The following DENR variants were observed in gnomAD, a reference collection of about 807,000 sequenced individuals.
DENR encodes density-regulated protein.
Under a neutral mutation model 30.6 loss-of-function variants are expected in DENR, and 6 were observed. The ratio of observed to expected loss-of-function variants is 0.20; its 90% CI spans 0.11 to 0.39. DENR has a LOEUF of 0.39. Among genes scored for constraint, DENR ranks in the 10% least tolerant of loss-of-function variants. The pLI is 1.00. For synonymous variants in DENR, 78 were observed against 72.1 expected (o/e 1.08, Z -0.41); for missense variants, 141 against 230.9 (o/e 0.61, Z 2.52).
intron 2 of DENR, among the ~76,000 whole-genome samples, chr12:122,757,620 G>C (rs1878584450): frequency 1.3e-5 from 2 of 152,180 alleles, no homozygotes; most frequent in South Asian, 4.1e-4. Flanking sequence ...TATAACATCA[G>C]CTTCAAGGAA....
At chr12:122,766,199 G>C (rs188171935) in intron 5 of DENR, among the ~76,000 whole-genome samples, 129 of 152,100 alleles carry the variant, frequency 8.5e-4, no homozygotes, top group African/African-American at 3.0e-3. Flanking sequence ...ATCCTAACCT[G>C]ACTTCCTGGC....
In DENR at chr12:122,753,684, T is replaced by C. The variant is rs749388565; in HGVS notation, c.-9-9T>C. 3.1e-6 allele frequency: 5 copies of C among 1,608,592 alleles called. No individual in the cohort carries two copies. The highest frequency in any genetic ancestry group is 2.6e-6 in the Non-Finnish European group (3 of 1,175,308). ...AATAGTGAGGGTGTGTTATTTTCCT[T>C]GCTTACAGGTTTGTGAAATGGCTGC... On this transcript the variant is annotated splice_polypyrimidine_tract_variant and intron_variant, in intron 1 of 7. Coordinates refer to ENST00000280557, the MANE Select transcript of DENR (RefSeq NM_003677.5).
Position 122,765,403 on chromosome 12 carries a change from A to G in DENR, c.295+16A>G. The G allele has an allele frequency of 6.5e-7, 1 of 1,542,778 alleles. No homozygotes were observed. The highest frequency in any genetic ancestry group is 1.2e-5 in the South Asian group (1 of 83,758). On this transcript the variant is annotated intron_variant, in intron 5 of 7. Transcript: ENST00000280557. ...CAGAAGAGAGGTAAGACCTAAATTC[A>G]CATCTTGATTTGTACAGTCATACCG...
At position 122,769,613 on chromosome 12, in the gene DENR, T is replaced by C; in HGVS notation, c.*535T>C. On this transcript the variant is annotated 3_prime_UTR_variant, in exon 8 of 8. Coordinates refer to ENST00000280557, the MANE Select transcript of DENR (RefSeq NM_003677.5). Reference sequence around the variant, plus strand: ...CCTCCGCCTCCCGGGTTCAAGTGATTCTCCTGCCTCAGCCTCCCAAGTAGG... The same window carrying C: ...CCTCCGCCTCCCGGGTTCAAGTGATCCTCCTGCCTCAGCCTCCCAAGTAGG... The C allele has an allele frequency of 2.8e-6, 1 of 361,818 alleles. No individual in the cohort carries two copies. Among genetic ancestry groups the C allele is most frequent in the Non-Finnish European group, 4.0e-6 (1 of 249,182 alleles). 22.4% of individuals were successfully genotyped at this position (361,818 alleles called of 1,614,324 possible).
chr12:122,753,927 GGA>G, intron 2 of DENR, 120 bp downstream of exon 2: 1 of 838,140 alleles, frequency 1.2e-6, no homozygotes, highest in Non-Finnish European at 2.0e-6. Flanking sequence ...TTGTACTGGG[GGA>G]GAGGAGTCCT....
At chr12:122,753,325 C>G (rs1566057836) in intron 1 of DENR, among the ~76,000 whole-genome samples, 1 of 152,078 alleles carries the variant, frequency 6.6e-6, no homozygotes, top group Non-Finnish European at 1.5e-5. Context: ...CCATTCGGCG[C>G]CTTTGTAGCC....
At chr12:122,758,650 A>T (rs1377577530) in intron 2 of DENR, among the ~76,000 whole-genome samples, 1 of 152,012 alleles carries the variant, frequency 6.6e-6, no homozygotes, top group Non-Finnish European at 1.5e-5. Flanking sequence ...ACAAAAAATT[A>T]AATAAATTAG....
Position 122,767,137 on chromosome 12 carries a change from T to C in DENR, c.296-351T>C, listed in dbSNP as rs536746171. On this transcript the variant is annotated intron_variant, in intron 5 of 7. Transcript: ENST00000280557. ...CCTCTAGGAAACTTTCTGTGTCCTC[T>C]GGAAGCAGACTAAGTTGTTTCTCTG... 4.6e-5 allele frequency among the ~76,000 whole-genome samples: 7 copies of C among 152,374 alleles called. No individual in the cohort carries two copies. In the South Asian group the frequency reaches 1.4e-3, roughly 32 times the overall value.
At chr12:122,756,218 G>T (rs370952140) in intron 2 of DENR, among the ~76,000 whole-genome samples, 1 of 152,206 alleles carries the variant, frequency 6.6e-6, no homozygotes. Flanking sequence ...GGAGGCCAAG[G>T]TGGGTGGATC....
intron 2 of DENR, among the ~76,000 whole-genome samples, chr12:122,757,010 G>A (rs1345805738): frequency 6.6e-6 from 1 of 152,144 alleles, no homozygotes; most frequent in Non-Finnish European, 1.5e-5. Context: ...TTGAGGACAA[G>A]GGAGATGGGA....
intron 2 of DENR, among the ~76,000 whole-genome samples, chr12:122,757,899 C>G (rs1057315663): frequency 6.6e-6 from 1 of 152,076 alleles, no homozygotes; most frequent in African/African-American, 2.4e-5. Context: ...TTAATCTTTT[C>G]CACCCTCCTC....
intron 2 of DENR, among the ~76,000 whole-genome samples, chr12:122,760,295 A>G (rs1405906971): frequency 1.3e-5 from 2 of 152,220 alleles, no homozygotes; most frequent in Non-Finnish European, 2.9e-5. Context: ...ATAATAATGT[A>G]TATAAGGCAT....
At chr12:122,765,182 A>G in intron 4 of DENR, 122 bp from the exon 5 acceptor site, 3 of 709,228 alleles carry the variant, frequency 4.2e-6, no homozygotes, top group Admixed American at 2.8e-5. Context: ...TTGCTTTACA[A>G]ATTTCATGCT....
At chr12:122,753,404 G>A (rs1878466559) in intron 1 of DENR, among the ~76,000 whole-genome samples, 1 of 152,060 alleles carries the variant, frequency 6.6e-6, no homozygotes, top group South Asian at 2.1e-4. Context: ...TCTGCCGTGG[G>A]TACTCACCCC....
At chr12:122,764,402 A>G (rs930187317) in intron 4 of DENR, among the ~76,000 whole-genome samples, 13 of 152,258 alleles carry the variant, frequency 8.5e-5, no homozygotes, top group African/African-American at 2.4e-4. Context: ...GATCGAGACC[A>G]TCCTGGCTAA....
chr12:122,762,017 C>T (rs1424793192), intron 2 of DENR, among the ~76,000 whole-genome samples, 170 bp from the exon 3 acceptor site: 1 of 152,072 alleles, frequency 6.6e-6, no homozygotes, highest in East Asian at 1.9e-4. Context: ...AACCATGTGC[C>T]TTTTACCCCA....
chr12:122,760,036 A>T (rs938018147), intron 2 of DENR, among the ~76,000 whole-genome samples: 1 of 152,166 alleles, frequency 6.6e-6, no homozygotes, highest in African/African-American at 2.4e-5. Context: ...TCTGTAAAAT[A>T]GTGATTGTGT....
rs761240519 is a variant in DENR, at chr12:122,753,721, A to C, written c.20A>C (p.Glu7Ala). ...TGTGAAATGGCTGCTGACATTTCTG[A>C]ATCCAGCGGGGCTGACTGCAAAGGA... is the stretch of plus-strand genomic sequence containing the variant. MAADISESSGADCKGDP... is the reference protein window; with the variant it reads MAADISASSGADCKGDP... The change falls in exon 2 of 8, where the codon GAA (glutamate) becomes GCA (alanine). Residue 7 changes from glutamate (E) to alanine (A), a missense_variant. Glu to Ala is a moderately radical substitution (Grantham distance 107). Around this residue, in one of 2 missense-constraint regions of DENR, gnomAD observed 104 missense variants for 138.3 expected, o/e 0.75. Transcript: ENST00000280557. 1.2e-6 allele frequency: 2 copies of C among 1,614,024 alleles called. No homozygotes were observed. The highest frequency in any genetic ancestry group is 2.2e-5 in the South Asian group (2 of 91,088).
At chr12:122,768,985 T>C in intron 7 of DENR, 49 bp from the exon 8 acceptor site, 1 of 1,608,494 alleles carries the variant, frequency 6.2e-7, no homozygotes, top group South Asian at 1.1e-5. Flanking sequence ...TTCCATTTTT[T>C]CTTAATTGCA....
Sources: allele counts gnomAD v4.1 joint callset (sites outside exome capture counted in the v4.1 genomes callset), GRCh38; gene constraint gnomAD v4.1.1; regional missense constraint gnomAD v4.1.1; transcripts MANE v1.5; gene names NCBI Gene and HGNC (gene_info 2026-07-23, HGNC 2026-07-21).